The following PCDHGB6 variants were observed in gnomAD, a reference collection of about 807,000 sequenced individuals.
PCDHGB6 encodes protocadherin gamma-B6.
PCDHGB6 carries 51 observed loss-of-function variants against 59.1 expected under a neutral mutation model. The observed-to-expected ratio is 0.86, with a 90% CI of 0.69 to 1.09. The LOEUF (loss-of-function observed/expected upper bound fraction) is 1.09. Among genes scored for constraint, PCDHGB6 ranks in the 50% least tolerant of loss-of-function variants. The pLI is 0.00. For synonymous variants in PCDHGB6, 466 were observed against 495.1 expected, an observed-to-expected ratio of 0.94 and a Z score of 0.78; for missense variants, 1,148 against 1,205.1, an observed-to-expected ratio of 0.95 and a Z score of 0.70.
At chr5:141,498,520 A>T (rs1178141390) in intron 2 of PCDHGB6, among the ~76,000 whole-genome samples, 1 of 149,264 alleles carries the variant, frequency 6.7e-6, no homozygotes, top group Non-Finnish European at 1.5e-5. Flanking sequence ...CATCTTGCCC[A>T]CTGCCCTCCA....
chr5:141,462,512 A>C (rs1169461013), intron 1 of PCDHGB6, among the ~76,000 whole-genome samples: 1 of 152,106 alleles, frequency 6.6e-6, no homozygotes, highest in Non-Finnish European at 1.5e-5. Flanking sequence ...AACTAGATCA[A>C]GTTAGTAAGA....
In PCDHGB6 at chr5:141,491,177, T is replaced by G; in HGVS notation, c.2419-3630T>G. The G allele has an allele frequency of 6.2e-7, 1 of 1,614,158 alleles. No homozygotes were observed. Among genetic ancestry groups the G allele is most frequent in the Non-Finnish European group, 8.5e-7 (1 of 1,180,010 alleles). Reference sequence around the variant, plus strand: ...GACTCTGACACCCAGCAGGTGGTGGTCCTGGTGAGGGACAATGGTGACCCT... The same window carrying G: ...GACTCTGACACCCAGCAGGTGGTGGGCCTGGTGAGGGACAATGGTGACCCT... On this transcript the variant is annotated intron_variant, in intron 1 of 3. Transcript: ENST00000520790. This position sits in a 1 kb window ranked among gnomAD's most constrained non-coding sequence, Gnocchi z 6.9.
chr5:141,418,626 C>A (rs1237600131), intron 1 of PCDHGB6: 2 of 1,613,902 alleles, frequency 1.2e-6, no homozygotes, highest in African/African-American at 2.7e-5. Context: ...GAAGACGTGC[C>A]TCCAGGCACC....
chr5:141,408,297 C>G lies in PCDHGB6; in HGVS notation c.95C>G (p.Pro32Arg). Residue 32 changes from proline to arginine, a missense_variant, in exon 1 of 4, where the codon CCG (proline) becomes CGG (arginine). Physicochemically the swap from Pro to Arg is moderately radical, Grantham distance 103. Around this residue, in one of 5 missense-constraint regions of PCDHGB6, gnomAD observed 307 missense variants for 323.8 expected, o/e 0.95. Transcript: ENST00000520790. Reference protein sequence around the residue: ...LPLFYPTLSEPIRYSIPEELA... With the variant: ...LPLFYPTLSERIRYSIPEELA... ...TTGTTCTACCCCACCCTGAGTGAGC[C>G]GATCCGCTACTCGATTCCGGAGGAG... 1 of 1,613,652 alleles carries G rather than the reference C, an allele frequency of 6.2e-7. No homozygotes were observed. Among genetic ancestry groups the G allele is most frequent in the East Asian group, 2.2e-5 (1 of 44,872 alleles).
chr5:141,452,494 T>C (rs1186924396), intron 1 of PCDHGB6, among the ~76,000 whole-genome samples: 2 of 152,192 alleles, frequency 1.3e-5, no homozygotes, highest in African/African-American at 4.8e-5. Flanking sequence ...CACACCCATA[T>C]TTATATTTGT....
Position 141,477,304 on chromosome 5 carries a change from T to C in PCDHGB6, c.2419-17503T>C. The C allele has an allele frequency of 6.2e-7, 1 of 1,614,160 alleles. No individual in the cohort carries two copies. Among genetic ancestry groups the C allele is most frequent in the Non-Finnish European group, 8.5e-7 (1 of 1,180,030 alleles). ...CCTGCGAAGTTCCACCGGGTCTCCCTTTCAGCCTTACTTCTTCCCTCAAGA... is the reference window on the plus strand; with the variant it reads ...CCTGCGAAGTTCCACCGGGTCTCCCCTTCAGCCTTACTTCTTCCCTCAAGA... On this transcript the variant is annotated intron_variant, in intron 1 of 3. Transcript: ENST00000520790. This position sits in a 1 kb window ranked among gnomAD's most constrained non-coding sequence, Gnocchi z 4.9.
chr5:141,437,000 G>A (rs1197061999), intron 1 of PCDHGB6, among the ~76,000 whole-genome samples: 1 of 152,198 alleles, frequency 6.6e-6, no homozygotes, highest in Non-Finnish European at 1.5e-5. Flanking sequence ...TTACTTCAAT[G>A]GGATCTTAGA....
chr5:141,487,237 T>G lies in PCDHGB6; in HGVS notation c.2419-7570T>G, dbSNP rs1327004790. ...CAGCTCCAAGGGAAGGAGAATCTCGTCTAACCCTCTACTTGGCTGTGTCCC... is the reference window on the plus strand; with the variant it reads ...CAGCTCCAAGGGAAGGAGAATCTCGGCTAACCCTCTACTTGGCTGTGTCCC... On this transcript the variant is annotated intron_variant, in intron 1 of 3. Transcript: ENST00000520790. This position sits in a 1 kb window ranked among gnomAD's most constrained non-coding sequence, Gnocchi z 5.0. 1.2e-6 allele frequency: 2 copies of G among 1,614,004 alleles called. No individual in the cohort carries two copies. The highest frequency in any genetic ancestry group is 1.7e-6 in the Non-Finnish European group (2 of 1,179,988).
intron 1 of PCDHGB6, chr5:141,478,935 A>G: frequency 1.6e-6 from 1 of 638,574 alleles, no homozygotes. Flanking sequence ...GGCAGCTTCT[A>G]GGAATACAAA....
At chr5:141,480,511 A>G (rs2099520888) in intron 1 of PCDHGB6, among the ~76,000 whole-genome samples, 1 of 127,378 alleles carries the variant, frequency 7.9e-6, no homozygotes, top group African/African-American at 3.6e-5. Context: ...ATATGAGAAC[A>G]ACCAAAAATG....
At position 141,431,914 on chromosome 5, in the gene PCDHGB6, C is replaced by A. The variant is rs745837291; in HGVS notation, c.2418+21294C>A. 6.2e-7 allele frequency: 1 copy of A among 1,613,912 alleles called. No individual in the cohort carries two copies. Among genetic ancestry groups the A allele is most frequent in the African/African-American group, 1.3e-5 (1 of 75,070 alleles). On this transcript the variant is annotated intron_variant, in intron 1 of 3. Transcript: ENST00000520790. The surrounding 1 kb of genome is among the most constrained non-coding windows in gnomAD (Gnocchi z 4.8). ...AGGAAAACGGACAGGTGATCTGTTT[C>A]ATCCAAGGAAATCTGCCCTTTAAAT...
In PCDHGB6 at chr5:141,485,037, C is replaced by T. The variant is rs2099605532; in HGVS notation, c.2419-9770C>T. 1.0e-5 allele frequency: 7 copies of T among 702,746 alleles called. No individual in the cohort carries two copies. Among genetic ancestry groups the T allele is most frequent in the Non-Finnish European group, 1.5e-5 (6 of 402,836 alleles). 43.5% of individuals were successfully genotyped at this position (702,746 alleles called of 1,614,324 possible). A position where few individuals can be genotyped will look rare whatever the true frequency, so the allele number is the denominator to read the frequency against. ...GCCACCAGCAAAAACGGCGCGTAAC[C>T]CTTGCGGCGCCGGCCGAACCGCGCC... is the stretch of plus-strand genomic sequence containing the variant. On this transcript the variant is annotated intron_variant, in intron 1 of 3. Transcript: ENST00000520790. The surrounding 1 kb of genome is among the most constrained non-coding windows in gnomAD (Gnocchi z 5.7).
At chr5:141,430,641 T>C (rs1332550435) in intron 1 of PCDHGB6, 2 of 902,672 alleles carry the variant, frequency 2.2e-6, no homozygotes, top group East Asian at 5.4e-5. Flanking sequence ...TCCCTGGGAG[T>C]ATGTGGAAAC....
chr5:141,500,189 TTTATTTATTTATTTATTTA>T (rs2099797567), intron 2 of PCDHGB6, among the ~76,000 whole-genome samples: 1 of 110,894 alleles, frequency 9.0e-6, no homozygotes, highest in Non-Finnish European at 1.8e-5. Flanking sequence ...TTTATTTTTA[TTTATTTATTTATTTATTTA>T]TTTATTTATT....
chr5:141,457,045 C>T (rs1489830197), intron 1 of PCDHGB6, among the ~76,000 whole-genome samples: 1 of 152,198 alleles, frequency 6.6e-6, no homozygotes, highest in African/African-American at 2.4e-5. Context: ...GATAGTAAAA[C>T]TTTCATGCTT....
chr5:141,473,238 G>A (rs1265577738), intron 1 of PCDHGB6, among the ~76,000 whole-genome samples: 4 of 152,200 alleles, frequency 2.6e-5, no homozygotes, highest in Admixed American at 6.5e-5. Context: ...ATCCACACAA[G>A]TGAATACATA....
chr5:141,487,921 A>G lies in PCDHGB6; in HGVS notation c.2419-6886A>G, dbSNP rs17097340. On this transcript the variant is annotated intron_variant, in intron 1 of 3. Coordinates refer to ENST00000520790, the MANE Select transcript of PCDHGB6 (RefSeq NM_018926.3). This position sits in a 1 kb window ranked among gnomAD's most constrained non-coding sequence, Gnocchi z 5.0. ...GGAATGTGGGAGCACAGGAGGCTAC[A>G]GTGCACAGGGTACAGTGCACCAGGC... 0.15 allele frequency: 93,556 copies of G among 639,124 alleles called. 7,160 individuals carry two copies. The highest frequency in any genetic ancestry group is 0.21 in the African/African-American group (11,270 of 54,532). 39.6% of individuals were successfully genotyped at this position (639,124 alleles called of 1,614,324 possible).
At chr5:141,505,341 A>G in intron 2 of PCDHGB6, 52 bp from the exon 3 acceptor site, 3 of 1,612,728 alleles carry the variant, frequency 1.9e-6, no homozygotes, top group Non-Finnish European at 2.5e-6. Context: ...CAGGAGGGGC[A>G]TGAGCTGTGC....
In PCDHGB6 at chr5:141,419,425, C is replaced by T. The variant is rs3749766; in HGVS notation, c.2418+8805C>T. Reference sequence around the variant, plus strand: ...TGTTCGCGCAGCGCGCCTTCGACCACGAGCAGCTGCGCACCTTCGAGCTCA... The same window carrying T: ...TGTTCGCGCAGCGCGCCTTCGACCATGAGCAGCTGCGCACCTTCGAGCTCA... On this transcript the variant is annotated intron_variant, in intron 1 of 3. Transcript: ENST00000520790. 284 of 1,613,316 alleles carry T rather than the reference C, an allele frequency of 1.8e-4. 1 individual carries two copies. The East Asian group carries it at 5.9e-3, about 34-fold the overall frequency.
Sources: gnomAD v4.1 joint callset for allele counts (sites outside exome capture counted in the v4.1 genomes callset) on GRCh38, gnomAD v4.1.1 for gene constraint, gnomAD v4.1.1 regional missense constraint, Gnocchi (gnomAD v3.1) non-coding constraint, MANE v1.5 for transcripts, NCBI Gene and HGNC (gene_info 2026-07-23, HGNC 2026-07-21) for gene names.